CDH12: variants seen among roughly 807,000 people sequenced by gnomAD.
The protein encoded by CDH12 is cadherin 12.
CDH12 carries 41 observed loss-of-function variants against 74.1 expected under a neutral mutation model. That is an observed-to-expected ratio of 0.55 (90% CI 0.43 to 0.72). The LOEUF is 0.72. CDH12 is among the 30% of genes least tolerant of loss of function. CDH12 has a pLI of 0.00. For synonymous variants in CDH12, 399 were observed against 355.0 expected, an observed-to-expected ratio of 1.12 and a Z score of -1.39; for missense variants, 945 against 977.2, an observed-to-expected ratio of 0.97 and a Z score of 0.44.
intron 2 of CDH12, among the ~76,000 whole-genome samples, chr5:22,452,880 CAAAAAA>C (rs768945480): frequency 9.3e-5 from 3 of 32,200 alleles, no homozygotes; most frequent in East Asian, 1.1e-3. Flanking sequence ...AACCTAAGAG[CAAAAAA>C]AAAAAAAAAA....
chr5:22,515,868 A>T (rs1179658846), intron 1 of CDH12, among the ~76,000 whole-genome samples: 2 of 152,122 alleles, frequency 1.3e-5, no homozygotes, highest in Non-Finnish European at 2.9e-5. Flanking sequence ...AGTACTAAAA[A>T]ATTCTACCCA....
intron 5 of CDH12, among the ~76,000 whole-genome samples, chr5:22,061,108 C>T (rs922123657): frequency 1.3e-5 from 2 of 152,148 alleles, no homozygotes; most frequent in Admixed American, 6.6e-5. Flanking sequence ...CAACAGCACT[C>T]TTTAATAATG....
chr5:22,613,377 T>C (rs983932058), intron 1 of CDH12, among the ~76,000 whole-genome samples: 5 of 152,114 alleles, frequency 3.3e-5, no homozygotes, highest in African/African-American at 1.2e-4. Flanking sequence ...TACAGAAATA[T>C]ACGTAAATAT....
intron 1 of CDH12, among the ~76,000 whole-genome samples, chr5:22,561,727 T>C (rs944382440): frequency 6.6e-6 from 1 of 152,118 alleles, no homozygotes; most frequent in African/African-American, 2.4e-5. Flanking sequence ...AAATAGAATC[T>C]GGAATGTAGG....
chr5:22,226,996 C>G (rs1195693104), intron 3 of CDH12, among the ~76,000 whole-genome samples: 1 of 151,974 alleles, frequency 6.6e-6, no homozygotes, highest in East Asian at 1.9e-4. Context: ...ATAGAGTACT[C>G]CCAGTTTTTA....
intron 5 of CDH12, among the ~76,000 whole-genome samples, chr5:22,049,161 T>C (rs1207750434): frequency 6.6e-6 from 1 of 152,138 alleles, no homozygotes; most frequent in Non-Finnish European, 1.5e-5. Flanking sequence ...CTGGCTGGTA[T>C]TGATACATAC....
At position 22,402,371 on chromosome 5, in the gene CDH12, T is replaced by C. The variant is rs111698915; in HGVS notation, c.-333+2886A>G. Among the ~76,000 whole-genome samples the C allele has an allele frequency of 1.5e-3, 233 of 152,318 alleles. 2 individuals are homozygous for C. Among genetic ancestry groups the C allele is most frequent in the African/African-American group, 5.4e-3 (223 of 41,576 alleles). ...CAAACATTAAAGATCTTTCTGGTGA[T>C]GTCTCCAAAGAAAATGAAGAACAAG... On this transcript the variant is annotated intron_variant, in intron 3 of 14. Transcript: ENST00000382254.
At chr5:22,708,917 G>A (rs544962529) in intron 1 of CDH12, among the ~76,000 whole-genome samples, 5 of 152,238 alleles carry the variant, frequency 3.3e-5, no homozygotes, top group Non-Finnish European at 4.4e-5. Context: ...TGAAAGCGCC[G>A]CCACCCTGTG....
chr5:22,352,566 G>A (rs556021380), intron 3 of CDH12, among the ~76,000 whole-genome samples: 1 of 152,220 alleles, frequency 6.6e-6, no homozygotes, highest in South Asian at 2.1e-4. Context: ...AAATAGGAGA[G>A]AGAGACAACG....
Position 22,730,098 on chromosome 5 carries a change from A to G in CDH12, c.-523+122960T>C, listed in dbSNP as rs76353379. On this transcript the variant is annotated intron_variant, in intron 1 of 14. Coordinates refer to ENST00000382254, the MANE Select transcript of CDH12 (RefSeq NM_004061.5). The stretch of plus-strand genomic sequence containing the variant: ...GTGTTTTTATCTCTAAGGAAAATAC[A>G]TCTTTTGAAATATTGGACCTCATTT... Among the ~76,000 whole-genome samples, 70 of 152,042 alleles carry G rather than the reference A, an allele frequency of 4.6e-4. No individual in the cohort carries two copies. In the East Asian group the frequency reaches 8.1e-3, roughly 18 times the overall value.
At chr5:22,653,151 A>T (rs1288490910) in intron 1 of CDH12, among the ~76,000 whole-genome samples, 7 of 152,126 alleles carry the variant, frequency 4.6e-5, no homozygotes, top group Non-Finnish European at 7.4e-5. Context: ...AATCATCATC[A>T]TTCTCTTCAC....
intron 3 of CDH12, among the ~76,000 whole-genome samples, chr5:22,255,632 A>G (rs1753284143): frequency 6.6e-6 from 1 of 151,930 alleles, no homozygotes; most frequent in Admixed American, 6.6e-5. Flanking sequence ...TTTAATTTAA[A>G]ACATTTTTAA....
At chr5:22,276,566 T>C (rs1449066876) in intron 3 of CDH12, among the ~76,000 whole-genome samples, 1 of 152,238 alleles carries the variant, frequency 6.6e-6, no homozygotes, top group Non-Finnish European at 1.5e-5. Flanking sequence ...GGTTCACTCA[T>C]GTTGAGCAGA....
In CDH12 at chr5:22,736,253, T is replaced by A. The variant is rs906167361; in HGVS notation, c.-523+116805A>T. The stretch of plus-strand genomic sequence containing the variant: ...TAGTGTATACTTTAAAATTGAGATA[T>A]ACATAACTTCCTCCAGTTAGATATT... On this transcript the variant is annotated intron_variant, in intron 1 of 14. Transcript: ENST00000382254. 2.6e-5 allele frequency among the ~76,000 whole-genome samples: 4 copies of A among 151,838 alleles called. No homozygotes were observed. The South Asian group carries it at 8.3e-4, about 31-fold the overall frequency.
intron 3 of CDH12, among the ~76,000 whole-genome samples, chr5:22,391,151 T>C (rs1742231965): frequency 6.6e-6 from 1 of 152,166 alleles, no homozygotes; most frequent in Admixed American, 6.6e-5. Context: ...TAGAGTTATA[T>C]ACTACAGAGT....
chr5:22,726,247 T>G (rs551589855), intron 1 of CDH12, among the ~76,000 whole-genome samples: 1 of 151,912 alleles, frequency 6.6e-6, no homozygotes, highest in East Asian at 1.9e-4. Flanking sequence ...TTTGATTGTC[T>G]TCATAGTTTT....
intron 1 of CDH12, among the ~76,000 whole-genome samples, chr5:22,742,834 T>C (rs892667070): frequency 6.6e-5 from 10 of 151,956 alleles, no homozygotes; most frequent in East Asian, 3.9e-4. Flanking sequence ...GTTAATTTTA[T>C]GTGTCAACTT....
rs534588375 is a variant in CDH12 at position 22,009,067 on chromosome 5, T to C, written c.232-33682A>G. Among the ~76,000 whole-genome samples, 3 of 152,324 alleles carry C rather than the reference T, an allele frequency of 2.0e-5. No individual in the cohort carries two copies. The East Asian group carries it at 5.8e-4, about 29-fold the overall frequency. ...CTGTCTCACACTTGGGTGTGGCCTATTAAATCTCAAACTCTGCATAGATGG... is the reference window on the plus strand; with the variant it reads ...CTGTCTCACACTTGGGTGTGGCCTACTAAATCTCAAACTCTGCATAGATGG... On this transcript the variant is annotated intron_variant, in intron 5 of 14. Coordinates refer to ENST00000382254, the MANE Select transcript of CDH12 (RefSeq NM_004061.5).
chr5:22,150,201 C>T (rs538377837), intron 4 of CDH12, among the ~76,000 whole-genome samples: 42 of 151,960 alleles, frequency 2.8e-4, no homozygotes, highest in South Asian at 1.0e-3. Context: ...CCTTTCCATT[C>T]TTTTGTGAAA....
Sources: allele counts gnomAD v4.1 joint callset (sites outside exome capture counted in the v4.1 genomes callset), GRCh38; gene constraint gnomAD v4.1.1; transcripts MANE v1.5; gene names NCBI Gene and HGNC (gene_info 2026-07-23, HGNC 2026-07-21).